Variants in FRMD4B observed in about 807,000 individuals in gnomAD.
FRMD4B encodes FERM domain containing 4B, also known as FERM domain-containing protein 4B.
Under a neutral mutation model 141.5 loss-of-function variants are expected in FRMD4B, and 74 were observed. The ratio of observed to expected loss-of-function variants is 0.52; its 90% confidence interval spans 0.43 to 0.63. The LOEUF is 0.63. Among genes scored for constraint, FRMD4B ranks in the 30% least tolerant of loss-of-function variants. FRMD4B has a pLI of 0.00. For missense variants in FRMD4B, 1,366 were observed against 1,253.4 expected (o/e 1.09, Z -1.36); for synonymous variants, 506 against 467.9 (o/e 1.08, Z -1.05).
intron 2 of FRMD4B, among the ~76,000 whole-genome samples, chr3:69,409,442 T>G (rs1421479623): frequency 1.3e-5 from 2 of 152,174 alleles, no homozygotes; most frequent in African/African-American, 4.8e-5. Context: ...GCATCATCTG[T>G]CCTCATAAGG....
intron 1 of FRMD4B, among the ~76,000 whole-genome samples, chr3:69,532,122 G>C (rs1165207286): frequency 6.6e-6 from 1 of 152,164 alleles, no homozygotes; most frequent in Admixed American, 6.5e-5. Flanking sequence ...AGTTTGTCAG[G>C]ATTCTGCATT....
At chr3:69,267,591 GTGTGTATATATATATATA>G (rs1177847548) in intron 5 of FRMD4B, among the ~76,000 whole-genome samples, 8 of 98,156 alleles carry the variant, frequency 8.2e-5, no homozygotes, top group South Asian at 4.1e-4. Flanking sequence ...GTGTGTGTGT[GTGTGTATATATATATATA>G]TATATATATA....
At chr3:69,465,319 C>CA (rs370690960) in intron 1 of FRMD4B, among the ~76,000 whole-genome samples, 3,508 of 108,876 alleles carry the variant, frequency 0.032, 149 homozygotes, top group African/African-American at 0.096. Context: ...GGCTCCGTCT[C>CA]AAAAAAAAAA....
chr3:69,262,756 G>A (rs941809766), intron 5 of FRMD4B, among the ~76,000 whole-genome samples: 8 of 151,372 alleles, frequency 5.3e-5, no homozygotes, highest in Non-Finnish European at 7.4e-5. Context: ...CACCGCGCCC[G>A]GTCCACAAAT....
chr3:69,327,221 T>C (rs950630154), intron 1 of FRMD4B, among the ~76,000 whole-genome samples: 1 of 152,228 alleles, frequency 6.6e-6, no homozygotes, highest in African/African-American at 2.4e-5. Flanking sequence ...GTCAGTTTTC[T>C]CTTTTCCCGT....
At chr3:69,478,207 A>C (rs978576944) in intron 1 of FRMD4B, among the ~76,000 whole-genome samples, 2 of 151,762 alleles carry the variant, frequency 1.3e-5, no homozygotes, top group African/African-American at 4.8e-5. Flanking sequence ...TATTTCCTTC[A>C]GTTCTGCTCT....
intron 1 of FRMD4B, among the ~76,000 whole-genome samples, chr3:69,314,696 A>G (rs1306884256): frequency 6.6e-6 from 1 of 152,000 alleles, no homozygotes; most frequent in Admixed American, 6.6e-5. Flanking sequence ...TTAGCCTGGC[A>G]TGGTGGTATG....
At chr3:69,175,769 CTTTTTTTT>C (rs141059202) in intron 22 of FRMD4B, among the ~76,000 whole-genome samples, 4 of 88,114 alleles carry the variant, frequency 4.5e-5, no homozygotes, top group East Asian at 2.8e-4. Flanking sequence ...CTTTTCTTCT[CTTTTTTTT>C]TTTTTTTTTT....
chr3:69,497,034 T>C (rs981198380), intron 1 of FRMD4B, among the ~76,000 whole-genome samples: 1 of 152,044 alleles, frequency 6.6e-6, no homozygotes, highest in Non-Finnish European at 1.5e-5. Context: ...ACTCTGACCA[T>C]GTGACTTGTT....
In FRMD4B at chr3:69,187,754, T is replaced by C. The variant is rs746938065; in HGVS notation, c.1919+16A>G. Reference sequence around the variant, plus strand: ...AGCTGTGGGGCATTAACCTTACTGATGATATGACCTCTCACCTGGACTGCC... The same window carrying C: ...AGCTGTGGGGCATTAACCTTACTGACGATATGACCTCTCACCTGGACTGCC... On this transcript the variant is annotated intron_variant, in intron 19 of 22. Coordinates refer to ENST00000398540, the MANE Select transcript of FRMD4B (RefSeq NM_015123.3). 3 of 1,603,432 alleles carry C rather than the reference T, an allele frequency of 1.9e-6. No individual in the cohort carries two copies. The highest frequency in any genetic ancestry group is 2.6e-6 in the Non-Finnish European group (3 of 1,175,980).
Position 69,349,378 on chromosome 3 carries a change from C to T in FRMD4B, c.163-35861G>A, listed in dbSNP as rs183806981. On this transcript the variant is annotated intron_variant, in intron 1 of 22. Transcript: ENST00000398540. Reference sequence around the variant, plus strand: ...GCTCATGGATAGGAAGAATCAATATCGTGAAAATGGCCATACTGCCCAAGG... The same window carrying T: ...GCTCATGGATAGGAAGAATCAATATTGTGAAAATGGCCATACTGCCCAAGG... Among the ~76,000 whole-genome samples, 975 of 152,234 alleles carry T rather than the reference C, an allele frequency of 6.4e-3. 13 individuals are homozygous for T. The highest frequency in any genetic ancestry group is 0.023 in the African/African-American group (945 of 41,530).
chr3:69,229,505 T>C (rs2093285764), intron 7 of FRMD4B, among the ~76,000 whole-genome samples: 2 of 152,108 alleles, frequency 1.3e-5, no homozygotes, highest in Admixed American at 6.5e-5. Context: ...CCATCACCGA[T>C]ATTTGAAGTG....
chr3:69,430,481 T>G (rs981793071), intron 2 of FRMD4B, among the ~76,000 whole-genome samples: 6 of 152,212 alleles, frequency 3.9e-5, no homozygotes, highest in Non-Finnish European at 8.8e-5. Flanking sequence ...AAAGATGTTG[T>G]CTGTCTATTT....
intron 1 of FRMD4B, among the ~76,000 whole-genome samples, chr3:69,326,321 C>G (rs552320195): frequency 6.6e-6 from 1 of 152,120 alleles, no homozygotes; most frequent in South Asian, 2.1e-4. Context: ...CCAGTTAAAC[C>G]CTGGAGAGAC....
chr3:69,267,728 G>T (rs1266562785), intron 5 of FRMD4B, among the ~76,000 whole-genome samples: 1 of 148,988 alleles, frequency 6.7e-6, no homozygotes, highest in African/African-American at 2.5e-5. Flanking sequence ...TGCCTCCCGG[G>T]TTCAAGTGAT....
intron 2 of FRMD4B, among the ~76,000 whole-genome samples, chr3:69,413,742 C>A (rs1023048327): frequency 1.3e-5 from 2 of 152,060 alleles, no homozygotes; most frequent in Non-Finnish European, 2.9e-5. Context: ...CACCACACGT[C>A]CAAAAGATGT....
intron 5 of FRMD4B, among the ~76,000 whole-genome samples, chr3:69,267,636 TAGAGAGAGAG>T (rs55659743): frequency 2.4e-3 from 79 of 32,820 alleles, no homozygotes; most frequent in African/African-American, 1.0e-2. Context: ...TATATATATA[TAGAGAGAGAG>T]AGAGAGAGAG....
chr3:69,224,535 A>G, intron 8 of FRMD4B, 72 bp downstream of exon 8: 1 of 739,666 alleles, frequency 1.4e-6, no homozygotes, highest in Non-Finnish European at 2.4e-6. Flanking sequence ...ATTTCTTTTA[A>G]TGCCCTGAAA....
At chr3:69,482,467 G>A (rs750082981) in intron 1 of FRMD4B, among the ~76,000 whole-genome samples, 7 of 152,022 alleles carry the variant, frequency 4.6e-5, no homozygotes, top group African/African-American at 1.2e-4. Flanking sequence ...GTGAGAAAGA[G>A]GAGAAAAAGG....
Sources: gnomAD v4.1 joint callset for allele counts (sites outside exome capture counted in the v4.1 genomes callset) on GRCh38, gnomAD v4.1.1 for gene constraint, MANE v1.5 for transcripts, NCBI Gene and HGNC (gene_info 2026-07-23, HGNC 2026-07-21) for gene names.